The following ITGB8 variants were observed in gnomAD, a reference collection of about 807,000 sequenced individuals.
ITGB8 encodes integrin beta-8.
ITGB8 carries 30 observed loss-of-function variants against 89.5 expected under a neutral mutation model. That is an observed-to-expected ratio of 0.34 (90% confidence interval 0.25 to 0.45). The LOEUF is 0.45. Ranked by LOEUF, ITGB8 falls within the 20% of genes least tolerant of loss-of-function variation. The pLI, the probability that ITGB8 is intolerant of heterozygous loss-of-function variation, is 1.00. For missense variants in ITGB8, 836 were observed against 933.3 expected (o/e 0.90, Z 1.36); for synonymous variants, 335 against 320.4 (o/e 1.05, Z -0.49).
At position 20,403,351 on chromosome 7, in the gene ITGB8, C is replaced by A. The variant is rs148594804; in HGVS notation, c.1687+1225C>A. On this transcript the variant is annotated intron_variant, in intron 10 of 13. Transcript: ENST00000222573. Reference sequence around the variant, plus strand: ...AGCTGTCAATCTCTCAAGAGGGTTTCAAATACATTTGAGTATTTGTCCCAG... The same window carrying A: ...AGCTGTCAATCTCTCAAGAGGGTTTAAAATACATTTGAGTATTTGTCCCAG... Among the ~76,000 whole-genome samples, 126 of 152,278 alleles carry A rather than the reference C, an allele frequency of 8.3e-4. 2 individuals are homozygous for A. The East Asian group carries it at 0.017, about 21-fold the overall frequency.
chr7:20,400,429 T>C (rs778976325), intron 9 of ITGB8, among the ~76,000 whole-genome samples: 7 of 152,242 alleles, frequency 4.6e-5, no homozygotes, highest in Middle Eastern at 3.2e-3. Context: ...ACACCAACTG[T>C]ATTGATTTTA....
At chr7:20,398,811 G>T in intron 8 of ITGB8, 49 bp from the exon 9 acceptor site, 1 of 1,364,844 alleles carries the variant, frequency 7.3e-7, no homozygotes, top group South Asian at 1.8e-5. Context: ...CTTTGTTGCT[G>T]ACATTTGAAA....
chr7:20,396,415 A>C (rs919310349), intron 8 of ITGB8, among the ~76,000 whole-genome samples: 11 of 151,780 alleles, frequency 7.2e-5, no homozygotes, highest in Admixed American at 2.0e-4. Flanking sequence ...CCTGGGCGAC[A>C]GAGCAAGACT....
chr7:20,392,059 C>T (rs1247634281), intron 7 of ITGB8, among the ~76,000 whole-genome samples: 2 of 152,040 alleles, frequency 1.3e-5, no homozygotes, highest in East Asian at 3.9e-4. Flanking sequence ...CCAGGTGAGA[C>T]CCTCAAGCAA....
chr7:20,388,119 T>C (rs1786702933), intron 6 of ITGB8, among the ~76,000 whole-genome samples: 2 of 152,202 alleles, frequency 1.3e-5, no homozygotes, highest in Non-Finnish European at 2.9e-5. Flanking sequence ...AGTTATCTCT[T>C]TACCCAAAAT....
intron 1 of ITGB8, among the ~76,000 whole-genome samples, chr7:20,338,655 A>G (rs1784652701): frequency 6.6e-6 from 1 of 152,112 alleles, no homozygotes; most frequent in Non-Finnish European, 1.5e-5. Context: ...TAATAAACAA[A>G]TAAATATTAT....
chr7:20,398,919 C>T lies in ITGB8; in HGVS notation c.1206C>T (p.Asn402=). 2 of 1,610,340 alleles carry T rather than the reference C, an allele frequency of 1.2e-6. No homozygotes were observed. The highest frequency in any genetic ancestry group is 1.7e-6 in the Non-Finnish European group (2 of 1,178,566). The change falls in exon 9 of 14, where the codon AAC becomes AAT. Residue 402 remains asparagine, a synonymous_variant. Coordinates refer to ENST00000222573, the MANE Select transcript of ITGB8 (RefSeq NM_002214.3). The part of the protein sequence containing the change: ...VENQVQGIYF[N]ITAICPDGSR... ...ACCAGGTACAAGGCATCTATTTTAACATTACCGCCATCTGTCCAGATGGGT... is the reference window on the plus strand; with the variant it reads ...ACCAGGTACAAGGCATCTATTTTAATATTACCGCCATCTGTCCAGATGGGT...
chr7:20,401,984 G>A lies in ITGB8; in HGVS notation c.1545G>A (p.Lys515=), dbSNP rs758363970. Residue 515 remains lysine, a synonymous_variant, in exon 10 of 14, where the codon AAG becomes AAA. Coordinates refer to ENST00000222573, the MANE Select transcript of ITGB8 (RefSeq NM_002214.3). The stretch of plus-strand genomic sequence containing the variant: ...CTTCTGAGAGTTGCAAGTCACACAA[G>A]GATCAGCCTGTTTGCAGTGGTCGAG... ...QFSSESCKSH[K]DQPVCSGRGV... is the part of the protein sequence containing the mutation. 28 of 1,614,066 alleles carry A rather than the reference G, an allele frequency of 1.7e-5. No individual in the cohort carries two copies. Among genetic ancestry groups the A allele is most frequent in the Non-Finnish European group, 2.3e-5 (27 of 1,180,028 alleles).
intron 3 of ITGB8, 61 bp from the exon 4 acceptor site, chr7:20,378,988 TAA>T: frequency 2.2e-6 from 3 of 1,364,282 alleles, no homozygotes; most frequent in Non-Finnish European, 3.0e-6. Context: ...ACTAATTTAT[TAA>T]GAGCTTATCC....
At chr7:20,347,126 A>G (rs1391710184) in intron 1 of ITGB8, among the ~76,000 whole-genome samples, 1 of 152,152 alleles carries the variant, frequency 6.6e-6, no homozygotes, top group South Asian at 2.1e-4. Context: ...ATACCACCAC[A>G]TCTGTTGCTG....
At chr7:20,353,863 C>T (rs12154577) in intron 1 of ITGB8, among the ~76,000 whole-genome samples, 117,134 of 143,974 alleles carry the variant, frequency 0.81, 47,682 homozygotes, top group African/African-American at 0.84. Context: ...ACCCGGGAGG[C>T]GAAGCTTGCA....
At chr7:20,368,997 C>CAT (rs1308162443) in intron 3 of ITGB8, among the ~76,000 whole-genome samples, 1 of 152,154 alleles carries the variant, frequency 6.6e-6, no homozygotes, top group Non-Finnish European at 1.5e-5. Context: ...TTTCAGCACA[C>CAT]ATGTAATTCA....
chr7:20,333,685 G>A (rs886896864), intron 1 of ITGB8, among the ~76,000 whole-genome samples: 5 of 152,130 alleles, frequency 3.3e-5, no homozygotes, highest in Non-Finnish European at 1.5e-5. Flanking sequence ...TTATGAATGG[G>A]CCTACTTGCA....
intron 6 of ITGB8, among the ~76,000 whole-genome samples, chr7:20,390,523 C>T (rs889989558): frequency 6.6e-6 from 1 of 151,974 alleles, no homozygotes; most frequent in Non-Finnish European, 1.5e-5. Flanking sequence ...TTTCTCATTA[C>T]CACAAAGAGT....
chr7:20,394,915 C>G lies in ITGB8; in HGVS notation c.1076C>G (p.Pro359Arg). 1 of 1,613,046 alleles carries G rather than the reference C, an allele frequency of 6.2e-7. No homozygotes were observed. The highest frequency in any genetic ancestry group is 1.1e-5 in the South Asian group (1 of 91,050). ...HWYKDLLPLL[P>R]GTIAGEIESK... ...TTATAGGATCTTCTACCCCTCTTGCCAGGCACCATTGCTGGTGAAATAGAA... is the reference window on the plus strand; with the variant it reads ...TTATAGGATCTTCTACCCCTCTTGCGAGGCACCATTGCTGGTGAAATAGAA... The change falls in exon 8 of 14, where the codon CCA becomes CGA. Residue 359 changes from proline (P) to arginine (R), a missense_variant. This residue lies in a region of ITGB8 where 192 missense variants were observed against 267.1 expected (regional missense o/e 0.72). Coordinates refer to ENST00000222573, the MANE Select transcript of ITGB8 (RefSeq NM_002214.3).
At chr7:20,389,139 C>G (rs1212638930) in intron 6 of ITGB8, among the ~76,000 whole-genome samples, 1 of 152,172 alleles carries the variant, frequency 6.6e-6, no homozygotes, top group Non-Finnish European at 1.5e-5. Context: ...TGGGTATATA[C>G]CCAGTAATGG....
intron 7 of ITGB8, among the ~76,000 whole-genome samples, chr7:20,394,330 C>T (rs370216000): frequency 3.9e-5 from 6 of 152,286 alleles, no homozygotes; most frequent in East Asian, 1.9e-4. Flanking sequence ...AAAATACCTA[C>T]GGTCTTCTCC....
chr7:20,336,000 C>CTTTTTTT (rs201113693), intron 1 of ITGB8, among the ~76,000 whole-genome samples: 41 of 96,380 alleles, frequency 4.3e-4, no homozygotes, highest in South Asian at 7.6e-4. Context: ...TCTTGGTTTT[C>CTTTTTTT]TTTTTTTTTT....
intron 8 of ITGB8, among the ~76,000 whole-genome samples, chr7:20,395,426 C>T (rs1787031771): frequency 6.6e-6 from 1 of 152,184 alleles, no homozygotes; most frequent in Admixed American, 6.5e-5. Context: ...GTTGGGATCT[C>T]TATGATCAAC....
Sources: allele counts gnomAD v4.1 joint callset (sites outside exome capture counted in the v4.1 genomes callset), GRCh38; gene constraint gnomAD v4.1.1; regional missense constraint gnomAD v4.1.1; transcripts MANE v1.5; gene names NCBI Gene and HGNC (gene_info 2026-07-23, HGNC 2026-07-21).